SAP30BP: variants seen among roughly 807,000 people sequenced by gnomAD.
SAP30BP encodes the protein SAP30 binding protein.
Under a neutral mutation model 46.3 loss-of-function variants are expected in SAP30BP, and 31 were observed. That is an observed-to-expected ratio of 0.67 (90% CI 0.50 to 0.90). The LOEUF (loss-of-function observed/expected upper bound fraction) is 0.90. Among genes scored for constraint, SAP30BP ranks in the 40% least tolerant of loss-of-function variants. The pLI is 0.00. For synonymous variants in SAP30BP, 169 were observed against 144.2 expected, an observed-to-expected ratio of 1.17 and a Z score of -1.23; for missense variants, 312 against 391.0, an observed-to-expected ratio of 0.80 and a Z score of 1.70.
intron 9 of SAP30BP, 149 bp from the exon 10 acceptor site, chr17:75,705,859 C>T (rs1029035414): frequency 2.9e-5 from 35 of 1,204,766 alleles, no homozygotes; most frequent in Non-Finnish European, 3.8e-5. Flanking sequence ...TTAGACATCT[C>T]GCCCTACCCC....
chr17:75,680,686 C>T lies in SAP30BP; in HGVS notation c.264+8823C>T, dbSNP rs140653808. Reference sequence around the variant, plus strand: ...TAGGTTAGAAGGCGCCACGATTTCTCGGCTCACTGCCCTTCATGTCTCCAT... The same window carrying T: ...TAGGTTAGAAGGCGCCACGATTTCTTGGCTCACTGCCCTTCATGTCTCCAT... On this transcript the variant is annotated intron_variant, in intron 3 of 10. Transcript: ENST00000584667. Among the ~76,000 whole-genome samples the T allele has an allele frequency of 5.7e-4, 87 of 152,338 alleles. 1 individual carries two copies. The East Asian group carries it at 9.8e-3, about 17-fold the overall frequency.
chr17:75,676,375 C>G (rs1039233334), intron 3 of SAP30BP, among the ~76,000 whole-genome samples: 2 of 152,206 alleles, frequency 1.3e-5, no homozygotes, highest in Non-Finnish European at 2.9e-5. Flanking sequence ...TTAGTGACAT[C>G]ACTAATCTCA....
At chr17:75,667,554 G>C in intron 1 of SAP30BP, 76 bp downstream of exon 1, 2 of 1,348,900 alleles carry the variant, frequency 1.5e-6, no homozygotes, top group Non-Finnish European at 2.1e-6. Context: ...GGGCGGGAGG[G>C]AACAAGATGG....
chr17:75,695,343 C>A (rs560435699), intron 4 of SAP30BP, among the ~76,000 whole-genome samples: 2 of 152,296 alleles, frequency 1.3e-5, no homozygotes, highest in South Asian at 4.1e-4. Flanking sequence ...GCAGAATCAC[C>A]CCTAGTTAAG....
intron 5 of SAP30BP, chr17:75,700,073 A>G (rs373263224): frequency 4.7e-6 from 2 of 424,630 alleles, no homozygotes; most frequent in South Asian, 3.2e-5. Context: ...ACCCACCGCC[A>G]TGTCCCGTGG....
At chr17:75,692,079 C>G (rs1481114913) in intron 3 of SAP30BP, 1 of 298,594 alleles carries the variant, frequency 3.3e-6, no homozygotes, top group Non-Finnish European at 5.0e-6. Flanking sequence ...GGCAGTGGCT[C>G]GAAGAGATGG....
rs966459954 is a variant in SAP30BP at position 75,707,761 on chromosome 17, A to G, written c.*1240A>G. The G allele has an allele frequency of 3.3e-5, 5 of 152,186 alleles. No homozygotes were observed. The highest frequency in any genetic ancestry group is 1.2e-4 in the African/African-American group (5 of 41,514). The allele number at this position is 152,186 out of a possible 1,614,324, so 9.4% of individuals were successfully genotyped here. On this transcript the variant is annotated 3_prime_UTR_variant, in exon 11 of 11. Coordinates refer to ENST00000584667, the MANE Select transcript of SAP30BP (RefSeq NM_013260.8). ...GCTCTGGGGAGAAGAGCTGCTCCCCACTCATGCCCCAGAGGGACTGTGAAA... is the reference window on the plus strand; with the variant it reads ...GCTCTGGGGAGAAGAGCTGCTCCCCGCTCATGCCCCAGAGGGACTGTGAAA...
chr17:75,682,663 A>T (rs1204460651), intron 3 of SAP30BP, among the ~76,000 whole-genome samples: 1 of 152,154 alleles, frequency 6.6e-6, no homozygotes, highest in Non-Finnish European at 1.5e-5. Context: ...CAAACACTGA[A>T]GAATTGTATG....
rs1242859778 is a variant in SAP30BP, at chr17:75,683,171, A to G, written c.265-10269A>G. ...CAATTCTTCTGCCTCAGCCTCCCCA[A>G]TAGCTGGGACTACAGGTGCACACCA... On this transcript the variant is annotated intron_variant, in intron 3 of 10. Coordinates refer to ENST00000584667, the MANE Select transcript of SAP30BP (RefSeq NM_013260.8). Among the ~76,000 whole-genome samples, 6 of 149,818 alleles carry G rather than the reference A, an allele frequency of 4.0e-5. No homozygotes were observed. The South Asian group carries it at 6.4e-4, about 16-fold the overall frequency.
intron 3 of SAP30BP, among the ~76,000 whole-genome samples, chr17:75,673,475 G>C (rs2077955027): frequency 6.6e-6 from 1 of 152,126 alleles, no homozygotes; most frequent in Admixed American, 6.6e-5. Context: ...AACAAGCCCA[G>C]GGAGCCGTTA....
chr17:75,691,663 TG>T, intron 3 of SAP30BP: 1 of 364,734 alleles, frequency 2.7e-6, no homozygotes, highest in Non-Finnish European at 5.4e-6. Context: ...GGGGTGGGTG[TG>T]GTATGGTGCG....
intron 9 of SAP30BP, 49 bp from the exon 10 acceptor site, chr17:75,705,959 T>C (rs1328190455): frequency 6.2e-7 from 1 of 1,606,564 alleles, no homozygotes; most frequent in Admixed American, 1.7e-5. Flanking sequence ...CAAAAAGCTG[T>C]GGACACCCAG....
At chr17:75,672,341 T>G (rs750295908) in intron 3 of SAP30BP, among the ~76,000 whole-genome samples, 1 of 152,244 alleles carries the variant, frequency 6.6e-6, no homozygotes, top group Non-Finnish European at 1.5e-5. Context: ...ATGCTCATTT[T>G]CCTGGGGGTG....
At chr17:75,679,334 A>G (rs2060041713) in intron 3 of SAP30BP, 1 of 152,090 alleles carries the variant, frequency 6.6e-6, no homozygotes, top group Non-Finnish European at 1.5e-5. Context: ...CATCAACATC[A>G]TAAAATCTGT....
chr17:75,695,541 C>T lies in SAP30BP; in HGVS notation c.307+2059C>T, dbSNP rs962230878. Among the ~76,000 whole-genome samples the T allele has an allele frequency of 4.6e-5, 7 of 152,258 alleles. No individual in the cohort carries two copies. In the South Asian group the frequency reaches 6.2e-4, roughly 14 times the overall value. ...ATGAGGACACAAATGGATCTTTAAG[C>T]GGCATCGTTTTGATTACTCACCATT... On this transcript the variant is annotated intron_variant, in intron 4 of 10. Coordinates refer to ENST00000584667, the MANE Select transcript of SAP30BP (RefSeq NM_013260.8).
chr17:75,699,018 C>T (rs2060364652), intron 4 of SAP30BP, among the ~76,000 whole-genome samples: 1 of 152,076 alleles, frequency 6.6e-6, no homozygotes, highest in African/African-American at 2.4e-5. Flanking sequence ...ATAACGAGAC[C>T]CCATCTTTAC....
Position 75,671,852 on chromosome 17 carries a change from G to A in SAP30BP, c.253G>A (p.Asp85Asn). 6.2e-7 allele frequency: 1 copy of A among 1,613,670 alleles called. No individual in the cohort carries two copies. The highest frequency in any genetic ancestry group is 8.5e-7 in the Non-Finnish European group (1 of 1,179,608). Residue 85 changes from aspartate (D) to asparagine (N), a missense_variant, in exon 3 of 11, where the codon GAT becomes AAT. By Grantham distance (23) the Asp-to-Asn change is conservative (BLOSUM62 1). Coordinates refer to ENST00000584667, the MANE Select transcript of SAP30BP (RefSeq NM_013260.8). ...TTCAGAGACTGAAAAACCTGAGGCT[G>A]ATGACCCAAAGGTATTTGGTGTTGG... is the stretch of plus-strand genomic sequence containing the variant. ...DDSETEKPEA[D>N]DPKDNTEAEK...
At chr17:75,699,381 G>A (rs900397315) in intron 4 of SAP30BP, among the ~76,000 whole-genome samples, 2 of 151,918 alleles carry the variant, frequency 1.3e-5, no homozygotes, top group East Asian at 1.9e-4. Flanking sequence ...TAGTAGAGAC[G>A]GGGTTTCGCC....
At chr17:75,702,619 A>G (rs2060430740) in intron 6 of SAP30BP, 48 bp downstream of exon 6, 2 of 903,664 alleles carry the variant, frequency 2.2e-6, no homozygotes, top group South Asian at 3.0e-5. Context: ...TTAATGTTGG[A>G]CTAAGGACTA....
Sources: allele counts gnomAD v4.1 joint callset (sites outside exome capture counted in the v4.1 genomes callset), GRCh38; gene constraint gnomAD v4.1.1; transcripts MANE v1.5; gene names NCBI Gene and HGNC (gene_info 2026-07-23, HGNC 2026-07-21).